Variants in GRM5 observed in about 807,000 individuals in gnomAD.
GRM5 encodes the protein glutamate metabotropic receptor 5.
In GRM5, 19 loss-of-function variants were observed where a neutral mutation model predicts 83.1. The observed-to-expected ratio is 0.23, with a 90% CI of 0.16 to 0.34. The LOEUF (loss-of-function observed/expected upper bound fraction) is 0.34, where lower values mean the gene tolerates loss of function less well. GRM5 is among the 10% of genes least tolerant of loss of function. The pLI, the probability that GRM5 is intolerant of heterozygous loss-of-function variation, is 1.00. For synonymous variants in GRM5, 675 were observed against 633.6 expected (o/e 1.07, Z -0.98); for missense variants, 1,160 against 1,588.3 (o/e 0.73, Z 4.58).
chr11:88,644,355 T>A (rs1226046078), intron 4 of GRM5, among the ~76,000 whole-genome samples: 6 of 152,188 alleles, frequency 3.9e-5, no homozygotes, highest in Non-Finnish European at 7.4e-5. Context: ...GCAGCATTTA[T>A]CTAACAACAT....
At chr11:88,794,092 A>C (rs1410851576) in intron 3 of GRM5, among the ~76,000 whole-genome samples, 1 of 152,126 alleles carries the variant, frequency 6.6e-6, no homozygotes, top group Non-Finnish European at 1.5e-5. Flanking sequence ...AGCCTCGAAA[A>C]TTGCTGGGAT....
At chr11:88,897,309 C>G (rs1428529833) in intron 2 of GRM5, among the ~76,000 whole-genome samples, 1 of 151,900 alleles carries the variant, frequency 6.6e-6, no homozygotes, top group Admixed American at 6.6e-5. Flanking sequence ...TTCTGTCTAG[C>G]ACTACTAGCT....
intron 2 of GRM5, among the ~76,000 whole-genome samples, chr11:89,006,803 G>T (rs1433292769): frequency 6.6e-6 from 1 of 151,910 alleles, no homozygotes; most frequent in Non-Finnish European, 1.5e-5. Flanking sequence ...GTTTTGCTTT[G>T]TTTTGTTTTG....
intron 2 of GRM5, among the ~76,000 whole-genome samples, chr11:88,932,762 A>G (rs1159182954): frequency 6.6e-6 from 1 of 151,920 alleles, no homozygotes; most frequent in East Asian, 1.9e-4. Context: ...TCTATATCAC[A>G]TTGGCTCACT....
chr11:88,756,873 A>G (rs1275950350), intron 3 of GRM5, among the ~76,000 whole-genome samples: 4 of 152,180 alleles, frequency 2.6e-5, no homozygotes, highest in Admixed American at 6.5e-5. Flanking sequence ...AGAATATGTG[A>G]AGAACAAATG....
chr11:88,847,643 A>C (rs527605176), intron 3 of GRM5, among the ~76,000 whole-genome samples: 2 of 152,312 alleles, frequency 1.3e-5, no homozygotes, highest in East Asian at 3.9e-4. Flanking sequence ...ACAGTTTTAA[A>C]ATTTGGAGTA....
chr11:88,611,642 G>C (rs1007329036), intron 4 of GRM5, among the ~76,000 whole-genome samples: 1 of 151,960 alleles, frequency 6.6e-6, no homozygotes, highest in Non-Finnish European at 1.5e-5. Context: ...TATCAATATT[G>C]TTTAATCTTT....
At position 89,034,924 on chromosome 11, in the gene GRM5, G is replaced by A. The variant is rs376712289; in HGVS notation, c.661+12288C>T. ...ATCAATTTTATATAAATACAAAGTC[G>A]TATAATATTGCAAGCTTGATTTTTA... On this transcript the variant is annotated intron_variant, in intron 2 of 9. Transcript: ENST00000305447. 1.7e-4 allele frequency among the ~76,000 whole-genome samples: 25 copies of A among 147,504 alleles called. No homozygotes were observed. The East Asian group carries it at 2.8e-3, about 16-fold the overall frequency.
chr11:89,010,461 C>T (rs188290344), intron 2 of GRM5, among the ~76,000 whole-genome samples: 1 of 152,088 alleles, frequency 6.6e-6, no homozygotes, highest in African/African-American at 2.4e-5. Context: ...ATTTAAATGC[C>T]CAAGGATCAC....
chr11:88,730,836 G>A (rs867944948), intron 3 of GRM5, among the ~76,000 whole-genome samples: 13 of 152,116 alleles, frequency 8.5e-5, no homozygotes, highest in African/African-American at 2.9e-4. Flanking sequence ...CATGGACACA[G>A]GGAGGGGAAC....
chr11:88,731,672 T>G (rs10765724), intron 3 of GRM5, among the ~76,000 whole-genome samples: 97,378 of 151,680 alleles, frequency 0.64, 33,362 homozygotes, highest in South Asian at 0.84. Context: ...TGTATTACAA[T>G]GTGCCTGGCC....
intron 2 of GRM5, among the ~76,000 whole-genome samples, chr11:88,998,130 GA>G (rs1329841536): frequency 1.3e-5 from 2 of 149,126 alleles, no homozygotes; most frequent in Non-Finnish European, 3.0e-5. Flanking sequence ...AAGGAAGGAA[GA>G]GGGGGAGGGA....
chr11:89,033,324 T>A (rs915053593), intron 2 of GRM5, among the ~76,000 whole-genome samples: 1 of 147,622 alleles, frequency 6.8e-6, no homozygotes, highest in Admixed American at 6.6e-5. Flanking sequence ...TCCACTGACC[T>A]TGAAACCAAA....
At chr11:88,745,214 G>C (rs1340501443) in intron 3 of GRM5, among the ~76,000 whole-genome samples, 1 of 91,662 alleles carries the variant, frequency 1.1e-5, no homozygotes, top group Non-Finnish European at 2.2e-5. Flanking sequence ...TTTTTTTTCT[G>C]AGACAGAATC....
chr11:88,868,710 T>C (rs569051691), intron 2 of GRM5, among the ~76,000 whole-genome samples: 2 of 151,864 alleles, frequency 1.3e-5, no homozygotes, highest in African/African-American at 4.8e-5. Flanking sequence ...AAACTGCTCA[T>C]TAGATATGCA....
At chr11:89,024,343 T>C (rs1422776941) in intron 2 of GRM5, among the ~76,000 whole-genome samples, 1 of 152,260 alleles carries the variant, frequency 6.6e-6, no homozygotes, top group Non-Finnish European at 1.5e-5. Context: ...CTGAGGAGAC[T>C]ATGCCTAATG....
At chr11:88,713,435 A>G (rs1044405975) in intron 3 of GRM5, among the ~76,000 whole-genome samples, 1 of 152,038 alleles carries the variant, frequency 6.6e-6, no homozygotes, top group Non-Finnish European at 1.5e-5. Flanking sequence ...AAGCTTTAAT[A>G]CATTGTATGT....
rs556218928 is a variant in GRM5, at chr11:88,692,784, G to A, written c.912-39381C>T. Among the ~76,000 whole-genome samples, 23 of 152,252 alleles carry A rather than the reference G, an allele frequency of 1.5e-4. No individual in the cohort carries two copies. In the South Asian group the frequency reaches 4.8e-3, roughly 32 times the overall value. ...AAGATGTCACAGCTTCAAACATGGG[G>A]GTATTGCCACTTCTGAGACTCGAAG... On this transcript the variant is annotated intron_variant, in intron 3 of 9. Coordinates refer to ENST00000305447, the MANE Select transcript of GRM5 (RefSeq NM_001143831.3).
At chr11:88,680,016 T>C (rs1286007852) in intron 3 of GRM5, among the ~76,000 whole-genome samples, 1 of 152,168 alleles carries the variant, frequency 6.6e-6, no homozygotes, top group East Asian at 1.9e-4. Context: ...TGTAGTCTAT[T>C]CTCTGCTGTT....
Sources: gnomAD v4.1 joint callset for allele counts (sites outside exome capture counted in the v4.1 genomes callset) on GRCh38, gnomAD v4.1.1 for gene constraint, MANE v1.5 for transcripts, NCBI Gene and HGNC (gene_info 2026-07-23, HGNC 2026-07-21) for gene names.